ATP11A: variants seen among roughly 807,000 people sequenced by gnomAD.
The protein encoded by ATP11A is ATPase phospholipid transporting 11A, also known as phospholipid-transporting ATPase IH.
In ATP11A, 81 loss-of-function variants were observed where a neutral mutation model predicts 154.4. The observed-to-expected ratio is 0.52, with a 90% CI of 0.44 to 0.63. The LOEUF is 0.63. Among genes scored for constraint, ATP11A ranks in the 30% least tolerant of loss-of-function variants. ATP11A has a pLI of 0.00. For missense variants in ATP11A, 1,316 were observed against 1,474.3 expected (o/e 0.89, Z 1.76); for synonymous variants, 623 against 585.9 (o/e 1.06, Z -0.91).
At chr13:112,806,910 C>G (rs968913865) in intron 4 of ATP11A, among the ~76,000 whole-genome samples, 3 of 152,210 alleles carry the variant, frequency 2.0e-5, no homozygotes, top group African/African-American at 7.2e-5. Flanking sequence ...GTGACTGGCT[C>G]TTTCACTCAG....
chr13:112,860,041 CT>C (rs112313047), intron 23 of ATP11A, among the ~76,000 whole-genome samples: 235 of 143,420 alleles, frequency 1.6e-3, no homozygotes, highest in Admixed American at 2.9e-3. Context: ...GACTTTTTTC[CT>C]TTTTTTTTTT....
Position 112,754,903 on chromosome 13 carries a change from A to C in ATP11A, c.40-30232A>C, listed in dbSNP as rs2076781332. Among the ~76,000 whole-genome samples, 1 of 151,758 alleles carries C rather than the reference A, an allele frequency of 6.6e-6. No individual in the cohort carries two copies. The highest frequency in any genetic ancestry group is 1.5e-5 in the Non-Finnish European group (1 of 67,908). ...CAGGGCTTCCCCAGCCCTCCTAGAC[A>C]CCCTGCACTTGCCCCTCCCGAGCGC... On this transcript the variant is annotated intron_variant, in intron 1 of 29. Transcript: ENST00000375645. This position sits in a 1 kb window ranked among gnomAD's most constrained non-coding sequence, Gnocchi z 5.3.
At chr13:112,740,486 A>G (rs753246434) in intron 1 of ATP11A, among the ~76,000 whole-genome samples, 2 of 152,118 alleles carry the variant, frequency 1.3e-5, no homozygotes, top group Non-Finnish European at 2.9e-5. Context: ...ATCTTTCTTA[A>G]GTTGTGTCTG....
intron 1 of ATP11A, among the ~76,000 whole-genome samples, chr13:112,750,868 C>G (rs1266702554): frequency 1.3e-5 from 2 of 152,230 alleles, no homozygotes; most frequent in African/African-American, 4.8e-5. Flanking sequence ...TGATAATTAC[C>G]GTCATCATGA....
At chr13:112,817,474 G>C (rs890232301) in intron 6 of ATP11A, among the ~76,000 whole-genome samples, 4 of 152,192 alleles carry the variant, frequency 2.6e-5, no homozygotes, top group African/African-American at 9.6e-5. Flanking sequence ...GTTTCTAGGG[G>C]GTCGGAATCC....
intron 14 of ATP11A, among the ~76,000 whole-genome samples, chr13:112,833,600 A>G (rs996726799): frequency 6.6e-6 from 1 of 152,222 alleles, no homozygotes; most frequent in African/African-American, 2.4e-5. Flanking sequence ...AAGTGCCTTC[A>G]GGGACTGAGT....
At chr13:112,743,501 C>T (rs371150) in intron 1 of ATP11A, among the ~76,000 whole-genome samples, 34,182 of 150,040 alleles carry the variant, frequency 0.23, 4,858 homozygotes, top group African/African-American at 0.42. Context: ...TTCCTGCTAG[C>T]GTTGACGGCA....
chr13:112,818,183 G>T (rs1272831752), intron 6 of ATP11A, among the ~76,000 whole-genome samples: 2 of 149,424 alleles, frequency 1.3e-5, no homozygotes, highest in African/African-American at 5.0e-5. Context: ...GGCGGTGACC[G>T]TCGGTGCGCT....
intron 1 of ATP11A, among the ~76,000 whole-genome samples, chr13:112,737,201 C>G (rs1394848611): frequency 6.6e-6 from 1 of 152,100 alleles, no homozygotes; most frequent in Non-Finnish European, 1.5e-5. Context: ...GCTGGGCACT[C>G]CTGGGGGATG....
intron 24 of ATP11A, 113 bp downstream of exon 24, chr13:112,860,527 G>A (rs181684460): frequency 1.5e-5 from 19 of 1,241,370 alleles, no homozygotes; most frequent in East Asian, 9.4e-5. Flanking sequence ...AGAAGCATTC[G>A]GCATCTGCTG....
intron 1 of ATP11A, among the ~76,000 whole-genome samples, chr13:112,713,935 TTCTTCCCACCCCAGATCCCAC>T (rs1888079021): frequency 1.2e-5 from 1 of 81,498 alleles, no homozygotes; most frequent in Non-Finnish European, 2.6e-5. Context: ...CTCCCTTCCA[TTCTTCCCACCCCAGATCCCAC>T]GCCTCCCTTC....
In ATP11A at chr13:112,696,185, G is replaced by A. The variant is rs926719477; in HGVS notation, c.39+5730G>A. Among the ~76,000 whole-genome samples the A allele has an allele frequency of 1.3e-5, 2 of 152,202 alleles. No individual in the cohort carries two copies. The highest frequency in any genetic ancestry group is 2.4e-5 in the African/African-American group (1 of 41,436). ...AGTGACGGGACAGGTCACGGCGCTCGTGCACGCTGGGTGCCCAGTGCACGG... is the reference window on the plus strand; with the variant it reads ...AGTGACGGGACAGGTCACGGCGCTCATGCACGCTGGGTGCCCAGTGCACGG... On this transcript the variant is annotated intron_variant, in intron 1 of 29. Transcript: ENST00000375645. The surrounding 1 kb of genome is among the most constrained non-coding windows in gnomAD (Gnocchi z 6.2).
chr13:112,725,630 C>G (rs927869097), intron 1 of ATP11A, among the ~76,000 whole-genome samples: 1 of 152,222 alleles, frequency 6.6e-6, no homozygotes, highest in Non-Finnish European at 1.5e-5. Flanking sequence ...TGAAATAGCT[C>G]AGATGTAAGC....
Position 112,860,349 on chromosome 13 carries a change from C to T in ATP11A, c.2790C>T (p.Leu930=), listed in dbSNP as rs2080065584. The T allele has an allele frequency of 1.9e-5, 30 of 1,614,196 alleles. No individual in the cohort carries two copies. The highest frequency in any genetic ancestry group is 2.4e-5 in the Non-Finnish European group (28 of 1,180,038). ...YNISFTSLPI[L]LYSLMEQHVG... is the part of the protein sequence containing the mutation. ...TCAGCTTCACCTCCCTCCCCATCCT[C>T]CTGTACAGCCTCATGGAGCAGCATG... is the stretch of plus-strand genomic sequence containing the variant. Residue 930 remains leucine, a synonymous_variant, in exon 24 of 30, where the codon CTC becomes CTT. Transcript: ENST00000375645.
intron 1 of ATP11A, among the ~76,000 whole-genome samples, chr13:112,721,834 G>A (rs1184676309): frequency 6.6e-6 from 1 of 152,204 alleles, no homozygotes; most frequent in African/African-American, 2.4e-5. Context: ...TGAGCAAAAA[G>A]AAGGAGACCA....
Position 112,723,445 on chromosome 13 carries a change from T to A in ATP11A, c.39+32990T>A, listed in dbSNP as rs754703340. On this transcript the variant is annotated intron_variant, in intron 1 of 29. Transcript: ENST00000375645. ...CACCACCACACCTGACTAACTTTTG[T>A]ACTTTTAGTAGAGACGGGGTTTCAC... Among the ~76,000 whole-genome samples the A allele has an allele frequency of 2.9e-4, 43 of 148,584 alleles. 2 individuals are homozygous for A. Among genetic ancestry groups the A allele is most frequent in the Non-Finnish European group, 5.9e-5 (4 of 67,462 alleles).
intron 2 of ATP11A, among the ~76,000 whole-genome samples, chr13:112,798,600 G>A (rs899287176): frequency 2.0e-4 from 31 of 152,222 alleles, no homozygotes; most frequent in African/African-American, 7.2e-4. Context: ...CACAGTGCGG[G>A]TTATGTGAGA....
rs775732327 is a variant in ATP11A, at chr13:112,860,406, C to T, written c.2847C>T (p.Thr949=). 1.2e-6 allele frequency: 2 copies of T among 1,613,968 alleles called. No individual in the cohort carries two copies. Among genetic ancestry groups the T allele is most frequent in the African/African-American group, 2.7e-5 (2 of 74,902 alleles). The change falls in exon 24 of 30, where the codon ACC becomes ACT. Residue 949 remains threonine, a synonymous_variant. Coordinates refer to ENST00000375645, the MANE Select transcript of ATP11A (RefSeq NM_015205.3). ...VGIDVLKRDP[T]LYRDVAKNAL... is the part of the protein sequence containing the mutation. Reference sequence around the variant, plus strand: ...TTGACGTGCTCAAGAGAGACCCGACCCTGTACAGGTACCATCCTCCAAACA... The same window carrying T: ...TTGACGTGCTCAAGAGAGACCCGACTCTGTACAGGTACCATCCTCCAAACA...
intron 1 of ATP11A, among the ~76,000 whole-genome samples, chr13:112,762,512 G>A (rs2076986038): frequency 6.6e-6 from 1 of 151,964 alleles, no homozygotes; most frequent in Non-Finnish European, 1.5e-5. Context: ...GCCGTGGTTC[G>A]GAGGAGACCA....
Sources: allele counts gnomAD v4.1 joint callset (sites outside exome capture counted in the v4.1 genomes callset), GRCh38; gene constraint gnomAD v4.1.1; non-coding constraint Gnocchi (gnomAD v3.1); transcripts MANE v1.5; gene names NCBI Gene and HGNC (gene_info 2026-07-23, HGNC 2026-07-21).